Variants in DENND6A observed in about 807,000 individuals in gnomAD.
DENND6A encodes protein DENND6A.
DENND6A carries 43 observed loss-of-function variants against 95.5 expected under a neutral mutation model. The observed-to-expected ratio is 0.45, with a 90% CI of 0.35 to 0.58. The LOEUF is 0.58. Ranked by LOEUF, DENND6A falls within the 20% of genes least tolerant of loss-of-function variation. The pLI is 0.00. For synonymous variants in DENND6A, 257 were observed against 260.4 expected, an observed-to-expected ratio of 0.99 and a Z score of 0.13; for missense variants, 574 against 736.0, an observed-to-expected ratio of 0.78 and a Z score of 2.55.
At chr3:57,659,922 A>G (rs181217312) in intron 7 of DENND6A, among the ~76,000 whole-genome samples, 1 of 152,294 alleles carries the variant, frequency 6.6e-6, no homozygotes, top group Admixed American at 6.5e-5. Flanking sequence ...TCATCTCTGG[A>G]GGCACTGGCA....
intron 1 of DENND6A, among the ~76,000 whole-genome samples, chr3:57,685,512 A>G (rs2077204021): frequency 6.6e-6 from 1 of 152,158 alleles, no homozygotes. Flanking sequence ...AAATGCTCCA[A>G]TGAGCATTTC....
chr3:57,628,143 G>C lies in DENND6A; in HGVS notation c.*71C>G. 1 of 1,556,202 alleles carries C rather than the reference G, an allele frequency of 6.4e-7. No homozygotes were observed. The highest frequency in any genetic ancestry group is 1.9e-5 in the Admixed American group (1 of 53,030). On this transcript the variant is annotated 3_prime_UTR_variant, in exon 20 of 20. Coordinates refer to ENST00000311128, the MANE Select transcript of DENND6A (RefSeq NM_152678.3). ...CCGCTGCCACTGAGAGATCTCCTTT[G>C]TGCGTCTGGTTGAAATGTCAGTATG...
At chr3:57,638,709 T>C (rs781090094) in intron 12 of DENND6A, among the ~76,000 whole-genome samples, 7 of 151,406 alleles carry the variant, frequency 4.6e-5, no homozygotes, top group Non-Finnish European at 8.8e-5. Context: ...CAATAAACAA[T>C]GGAAAGATAC....
intron 1 of DENND6A, among the ~76,000 whole-genome samples, chr3:57,674,835 G>A (rs1451845759): frequency 1.3e-5 from 2 of 152,176 alleles, no homozygotes; most frequent in Non-Finnish European, 2.9e-5. Flanking sequence ...CACGGATGAA[G>A]CTGGAGGCTA....
chr3:57,654,222 C>T (rs140631663), intron 9 of DENND6A, among the ~76,000 whole-genome samples: 3,433 of 151,814 alleles, frequency 0.023, 75 homozygotes, highest in South Asian at 0.051. Flanking sequence ...CCCAAAGTGC[C>T]GGGATTACAG....
chr3:57,666,667 A>G (rs1428295843), intron 3 of DENND6A, among the ~76,000 whole-genome samples: 1 of 152,238 alleles, frequency 6.6e-6, no homozygotes, highest in Non-Finnish European at 1.5e-5. Context: ...TGGGTGATAA[A>G]AGTATAAAAA....
At chr3:57,690,182 TA>T (rs1283693856) in intron 1 of DENND6A, among the ~76,000 whole-genome samples, 1 of 146,608 alleles carries the variant, frequency 6.8e-6, no homozygotes, top group East Asian at 2.0e-4. Flanking sequence ...CTGTCTCTAC[TA>T]AAAAAAACAA....
intron 8 of DENND6A, 83 bp from the exon 9 acceptor site, chr3:57,657,818 A>C (rs2071356390): frequency 1.2e-6 from 1 of 809,750 alleles, no homozygotes; most frequent in East Asian, 2.8e-5. Context: ...CATGATCAAT[A>C]AGCCATGCTG....
Position 57,646,332 on chromosome 3 carries a change from C to T in DENND6A, c.925G>A (p.Val309Ile), listed in dbSNP as rs747734384. The change falls in exon 10 of 20, where the codon GTA becomes ATA. Residue 309 changes from valine to isoleucine, a missense_variant. Physicochemically the swap from Val to Ile is conservative, Grantham distance 29 (BLOSUM62 3). Coordinates refer to ENST00000311128, the MANE Select transcript of DENND6A (RefSeq NM_152678.3). ...TAGACTCACTTAACAAGTGCCAATACAGTCTCTGATGATTCCGATGGTGAT... is the reference window on the plus strand; with the variant it reads ...TAGACTCACTTAACAAGTGCCAATATAGTCTCTGATGATTCCGATGGTGAT... ...APSPSESSET[V>I]LALVNCISPL... is the part of the protein sequence containing the mutation. The T allele has an allele frequency of 6.2e-7, 1 of 1,613,128 alleles. No homozygotes were observed. The highest frequency in any genetic ancestry group is 1.7e-5 in the Admixed American group (1 of 59,832).
intron 3 of DENND6A, among the ~76,000 whole-genome samples, chr3:57,666,586 G>A (rs529688031): frequency 1.5e-4 from 23 of 152,204 alleles, no homozygotes; most frequent in Admixed American, 1.4e-3. Flanking sequence ...AACACATATT[G>A]TTCAAATCCA....
At chr3:57,676,746 T>C (rs1177264212) in intron 1 of DENND6A, among the ~76,000 whole-genome samples, 1 of 152,230 alleles carries the variant, frequency 6.6e-6, no homozygotes, top group African/African-American at 2.4e-5. Context: ...ATTAAGTTTT[T>C]GTAGATTTTC....
At chr3:57,632,902 A>G (rs1021880532) in intron 15 of DENND6A, among the ~76,000 whole-genome samples, 1 of 152,260 alleles carries the variant, frequency 6.6e-6, no homozygotes, top group African/African-American at 2.4e-5. Context: ...GATAAGTATC[A>G]GAAAGAAGCT....
At chr3:57,676,889 T>A (rs967100057) in intron 1 of DENND6A, among the ~76,000 whole-genome samples, 4 of 152,138 alleles carry the variant, frequency 2.6e-5, no homozygotes, top group African/African-American at 9.7e-5. Context: ...AATGGTGTGA[T>A]CTCAGCTCAC....
rs548288645 is a variant in DENND6A, at chr3:57,687,141, G to A, written c.237+5641C>T. Among the ~76,000 whole-genome samples, 25 of 152,244 alleles carry A rather than the reference G, an allele frequency of 1.6e-4. No individual in the cohort carries two copies. In the East Asian group the frequency reaches 4.4e-3, roughly 27 times the overall value. On this transcript the variant is annotated intron_variant, in intron 1 of 19. Coordinates refer to ENST00000311128, the MANE Select transcript of DENND6A (RefSeq NM_152678.3). ...CCCAAAGCGCTGAGAATACAGGCCTGAGACACCACACCCAGCCAAAGGAAA... is the reference window on the plus strand; with the variant it reads ...CCCAAAGCGCTGAGAATACAGGCCTAAGACACCACACCCAGCCAAAGGAAA...
intron 3 of DENND6A, among the ~76,000 whole-genome samples, chr3:57,668,897 G>C (rs564256032): frequency 2.0e-5 from 3 of 152,116 alleles, no homozygotes; most frequent in Non-Finnish European, 2.9e-5. Context: ...TCTTGAGATG[G>C]AGTCTCACTC....
At chr3:57,666,044 A>C in intron 4 of DENND6A, 79 bp downstream of exon 4, 1 of 1,171,218 alleles carries the variant, frequency 8.5e-7, no homozygotes, top group Non-Finnish European at 1.2e-6. Context: ...ATATTTCTGA[A>C]TGGTGTCAGC....
At chr3:57,631,116 G>A in intron 15 of DENND6A, 138 bp from the exon 16 acceptor site, 1 of 667,432 alleles carries the variant, frequency 1.5e-6, no homozygotes, top group South Asian at 2.0e-5. Flanking sequence ...CTCCCCACAA[G>A]AGATATAGCT....
intron 9 of DENND6A, among the ~76,000 whole-genome samples, chr3:57,651,724 C>T (rs572213931): frequency 1.2e-4 from 18 of 151,654 alleles, no homozygotes; most frequent in African/African-American, 4.1e-4. Context: ...ATATCTCACA[C>T]CAGAAAGCAA....
chr3:57,673,107 G>C (rs747116571), intron 1 of DENND6A, among the ~76,000 whole-genome samples: 13 of 150,516 alleles, frequency 8.6e-5, no homozygotes, highest in Non-Finnish European at 1.6e-4. Context: ...CCAGCTACTC[G>C]GGAGCCTGAG....
Sources: gnomAD v4.1 joint callset for allele counts (sites outside exome capture counted in the v4.1 genomes callset) on GRCh38, gnomAD v4.1.1 for gene constraint, MANE v1.5 for transcripts, NCBI Gene and HGNC (gene_info 2026-07-23, HGNC 2026-07-21) for gene names.